Variants in UNC5C observed in about 807,000 individuals in gnomAD.
The protein encoded by UNC5C is netrin receptor UNC5C.
UNC5C carries 47 observed loss-of-function variants against 99.8 expected under a neutral mutation model. That is an observed-to-expected ratio of 0.47 (90% confidence interval 0.37 to 0.60). UNC5C has a LOEUF of 0.60. Ranked by LOEUF, UNC5C falls within the 20% of genes least tolerant of loss-of-function variation. UNC5C has a pLI of 0.00. For synonymous variants in UNC5C, 487 were observed against 452.2 expected (o/e 1.08, Z -0.98); for missense variants, 1,062 against 1,165.9 (o/e 0.91, Z 1.30).
At chr4:95,477,851 T>G (rs578078603) in intron 1 of UNC5C, among the ~76,000 whole-genome samples, 8 of 152,092 alleles carry the variant, frequency 5.3e-5, no homozygotes, top group African/African-American at 1.9e-4. Flanking sequence ...AGGACAGGCT[T>G]TGGAGTTGGC....
At chr4:95,232,957 T>G (rs1738968725) in intron 7 of UNC5C, among the ~76,000 whole-genome samples, 1 of 152,246 alleles carries the variant, frequency 6.6e-6, no homozygotes, top group Admixed American at 6.5e-5. Flanking sequence ...CAAACTGCTG[T>G]GTTGACAAGA....
At chr4:95,371,042 AT>A (rs1487537674) in intron 1 of UNC5C, among the ~76,000 whole-genome samples, 2 of 152,176 alleles carry the variant, frequency 1.3e-5, no homozygotes, top group Non-Finnish European at 2.9e-5. Flanking sequence ...TTAGTACATT[AT>A]TTAAGAAAAG....
intron 7 of UNC5C, among the ~76,000 whole-genome samples, chr4:95,231,496 A>T (rs2149373501): frequency 6.6e-6 from 1 of 152,316 alleles, no homozygotes; most frequent in African/African-American, 2.4e-5. Flanking sequence ...CCACTAGGCT[A>T]CTTGATAAGA....
intron 1 of UNC5C, among the ~76,000 whole-genome samples, chr4:95,527,635 T>C (rs892133098): frequency 2.6e-5 from 4 of 152,160 alleles, no homozygotes; most frequent in Admixed American, 6.5e-5. Context: ...TATTTTTACC[T>C]ATTTAAAGAA....
At chr4:95,295,727 A>T (rs1330208705) in intron 3 of UNC5C, among the ~76,000 whole-genome samples, 1 of 152,166 alleles carries the variant, frequency 6.6e-6, no homozygotes, top group Non-Finnish European at 1.5e-5. Flanking sequence ...CATTTATGTG[A>T]TGGCCCTCGG....
intron 2 of UNC5C, among the ~76,000 whole-genome samples, chr4:95,324,038 A>AAAAT (rs539177510): frequency 0.039 from 5,856 of 151,960 alleles, 153 homozygotes; most frequent in Non-Finnish European, 0.057. Flanking sequence ...TCCATCTCAA[A>AAAAT]AAATAAATAA....
chr4:95,543,788 T>A (rs2149497061), intron 1 of UNC5C, among the ~76,000 whole-genome samples: 1 of 152,264 alleles, frequency 6.6e-6, no homozygotes, highest in Non-Finnish European at 1.5e-5. Context: ...GGGAGTGACT[T>A]AACGTGTCAT....
chr4:95,318,930 C>A (rs953391609), intron 2 of UNC5C, among the ~76,000 whole-genome samples: 4 of 152,166 alleles, frequency 2.6e-5, no homozygotes, highest in African/African-American at 7.2e-5. Flanking sequence ...GAGAGGAAAG[C>A]CTGAGCAAAT....
intron 1 of UNC5C, among the ~76,000 whole-genome samples, chr4:95,398,249 T>C (rs964041514): frequency 2.0e-5 from 3 of 152,110 alleles, no homozygotes; most frequent in Non-Finnish European, 2.9e-5. Context: ...CAGAATATTA[T>C]GGAAAGGTAT....
chr4:95,197,496 T>C (rs1031678566), intron 12 of UNC5C, among the ~76,000 whole-genome samples: 1 of 152,152 alleles, frequency 6.6e-6, no homozygotes, highest in Non-Finnish European at 1.5e-5. Context: ...GAGATCCTTT[T>C]CATCAGAGTC....
intron 1 of UNC5C, among the ~76,000 whole-genome samples, chr4:95,429,925 A>G (rs1364116096): frequency 2.0e-5 from 3 of 152,144 alleles, no homozygotes; most frequent in African/African-American, 7.2e-5. Flanking sequence ...TACATACTGT[A>G]TGATTCCAAT....
At chr4:95,396,915 A>C (rs1374846921) in intron 1 of UNC5C, among the ~76,000 whole-genome samples, 1 of 152,036 alleles carries the variant, frequency 6.6e-6, no homozygotes, top group Non-Finnish European at 1.5e-5. Flanking sequence ...CCAAGTTTAC[A>C]GGTAGGGGAA....
chr4:95,357,062 T>A (rs1579354455), intron 1 of UNC5C, among the ~76,000 whole-genome samples: 1 of 152,242 alleles, frequency 6.6e-6, no homozygotes, highest in Middle Eastern at 3.4e-3. Flanking sequence ...TTCTAATTCA[T>A]CTGAGGTTTA....
chr4:95,251,804 T>C (rs968753922), intron 4 of UNC5C, among the ~76,000 whole-genome samples: 2 of 152,190 alleles, frequency 1.3e-5, no homozygotes, highest in Non-Finnish European at 2.9e-5. Flanking sequence ...ATTGCACAAC[T>C]CTAAATTACA....
chr4:95,275,635 C>T (rs1740834338), intron 4 of UNC5C, among the ~76,000 whole-genome samples: 1 of 152,122 alleles, frequency 6.6e-6, no homozygotes, highest in Non-Finnish European at 1.5e-5. Context: ...CTTAGAAATG[C>T]CTATGCCATT....
chr4:95,424,770 T>A (rs1051605145), intron 1 of UNC5C, among the ~76,000 whole-genome samples: 2 of 151,752 alleles, frequency 1.3e-5, no homozygotes, highest in South Asian at 4.2e-4. Flanking sequence ...TGATCCGCCC[T>A]CCTTGGCCTC....
rs1386963353 is a variant in UNC5C at position 95,185,187 on chromosome 4, G to C, written c.2146C>G (p.His716Asp). The C allele has an allele frequency of 6.2e-7, 1 of 1,606,620 alleles. No homozygotes were observed. Among genetic ancestry groups the C allele is most frequent in the Non-Finnish European group, 8.5e-7 (1 of 1,177,786 alleles). ...TGTCCTCCCATCTGTCTCTCAAGAT[G>C]TAAAATTTCCTATAATGACATGCCC... is the stretch of plus-strand genomic sequence containing the variant. ...DTQDALKEIL[H>D]LERQMGGQLL... The change falls in exon 13 of 16, where the codon CAT becomes GAT. Residue 716 changes from histidine (H) to aspartate (D), a missense_variant. Coordinates refer to ENST00000453304, the MANE Select transcript of UNC5C (RefSeq NM_003728.4).
chr4:95,271,394 A>T (rs907875984), intron 4 of UNC5C, among the ~76,000 whole-genome samples: 2 of 151,560 alleles, frequency 1.3e-5, no homozygotes, highest in African/African-American at 4.9e-5. Flanking sequence ...CGCCCGGCTA[A>T]TTTTTTTGTG....
At chr4:95,460,042 T>A (rs1747554024) in intron 1 of UNC5C, among the ~76,000 whole-genome samples, 1 of 152,122 alleles carries the variant, frequency 6.6e-6, no homozygotes, top group South Asian at 2.1e-4. Context: ...CAGTTATTTC[T>A]TGTGGAAATA....
Sources: allele counts gnomAD v4.1 joint callset (sites outside exome capture counted in the v4.1 genomes callset), GRCh38; gene constraint gnomAD v4.1.1; transcripts MANE v1.5; gene names NCBI Gene and HGNC (gene_info 2026-07-23, HGNC 2026-07-21).